The following RTCA variants were observed in gnomAD, a reference collection of about 807,000 sequenced individuals.
RTCA encodes the protein RNA 3'-terminal phosphate cyclase.
A neutral mutation model predicts 46.1 loss-of-function variants in RTCA; 37 were observed. The ratio of observed to expected loss-of-function variants is 0.80; its 90% CI spans 0.62 to 1.06. RTCA has a LOEUF of 1.06. Ranked by LOEUF, RTCA falls within the 50% of genes least tolerant of loss-of-function variation. RTCA has a pLI of 0.00. For missense variants in RTCA, 435 were observed against 455.5 expected (o/e 0.95, Z 0.41); for synonymous variants, 164 against 158.3 (o/e 1.04, Z -0.27).
rs1382715561 is a variant in RTCA at position 100,275,605 on chromosome 1, A to C, written c.622A>C (p.Lys208Gln). 6.2e-7 allele frequency: 1 copy of C among 1,603,468 alleles called. No homozygotes were observed. Among genetic ancestry groups the C allele is most frequent in the Non-Finnish European group, 8.5e-7 (1 of 1,175,908 alleles). ...TTCTGTCTTGCTAAAATAGGTAGCAAAAGATATGGCAGCGGCAGCAGTTAG... is the reference window on the plus strand; with the variant it reads ...TTCTGTCTTGCTAAAATAGGTAGCACAAGATATGGCAGCGGCAGCAGTTAG... ...VAGVLPFKVAKDMAAAAVRCI... is the reference protein window; with the variant it reads ...VAGVLPFKVAQDMAAAAVRCI... The change falls in exon 7 of 11, where the codon AAA becomes CAA. Residue 208 changes from lysine (K) to glutamine (Q), a missense_variant. By Grantham distance (53) the Lys-to-Gln change is moderately conservative. Transcript: ENST00000370128.
In RTCA at chr1:100,268,311, C is replaced by T; in HGVS notation, c.290+16C>T. 1 of 1,576,750 alleles carries T rather than the reference C, an allele frequency of 6.3e-7. No homozygotes were observed. Reference sequence around the variant, plus strand: ...AGACAGCAGGGTATGTATCACTTAACATTCCATTTAAGTAACCTGGGTTTA... The same window carrying T: ...AGACAGCAGGGTATGTATCACTTAATATTCCATTTAAGTAACCTGGGTTTA... On this transcript the variant is annotated intron_variant, in intron 3 of 10. Coordinates refer to ENST00000370128, the MANE Select transcript of RTCA (RefSeq NM_003729.4).
chr1:100,270,207 GGTTTTAT>G lies in RTCA; in HGVS notation c.291-349_291-343del, dbSNP rs1278740471. 5.9e-5 allele frequency among the ~76,000 whole-genome samples: 8 copies of G among 135,766 alleles called. No homozygotes were observed. The East Asian group carries it at 1.8e-3, about 31-fold the overall frequency. The allele number at this position is 135,766 out of a possible 152,430, so 89.1% of individuals were successfully genotyped here. ...ATTCTTTTGTAAAACTTTTGAAGAAGGTTTTATTTTTAATTTTTTTTCTTTTTTACTT... is the reference window on the plus strand; with the variant it reads ...ATTCTTTTGTAAAACTTTTGAAGAAGTTTTAATTTTTTTTCTTTTTTACTT... On this transcript the variant is annotated intron_variant, in intron 3 of 10. Coordinates refer to ENST00000370128, the MANE Select transcript of RTCA (RefSeq NM_003729.4).
At chr1:100,266,920 C>A in intron 2 of RTCA, 1 of 431,602 alleles carries the variant, frequency 2.3e-6, no homozygotes, top group Admixed American at 3.6e-5. Context: ...TCCAAATATC[C>A]GAACAGCACG....
chr1:100,266,710 T>A, intron 2 of RTCA, 86 bp downstream of exon 2: 1 of 1,160,632 alleles, frequency 8.6e-7, no homozygotes, highest in Non-Finnish European at 1.2e-6. Context: ...GGAGTCCGAG[T>A]GGTGGAACCC....
rs765853483 is a variant in RTCA at position 100,275,742 on chromosome 1, C to G, written c.740+19C>G. ...GAATAATGTGAGACAATACTTTTTC[C>G]TACACATTAGTTGAGAACCCTAAAA... is the stretch of plus-strand genomic sequence containing the variant. On this transcript the variant is annotated intron_variant, in intron 7 of 10. Coordinates refer to ENST00000370128, the MANE Select transcript of RTCA (RefSeq NM_003729.4). 3 of 1,596,152 alleles carry G rather than the reference C, an allele frequency of 1.9e-6. No individual in the cohort carries two copies. The South Asian group carries it at 3.5e-5, about 19-fold the overall frequency.
In RTCA at chr1:100,268,957, G is replaced by A. The variant is rs532844297; in HGVS notation, c.290+662G>A. Among the ~76,000 whole-genome samples, 21 of 151,902 alleles carry A rather than the reference G, an allele frequency of 1.4e-4. No individual in the cohort carries two copies. In the South Asian group the frequency reaches 4.1e-3, roughly 30 times the overall value. ...TAGTCCCAGCACTTTGGGAGGCCGA[G>A]GTGGGTGGATCGCTTGAGCTCACAA... On this transcript the variant is annotated intron_variant, in intron 3 of 10. Coordinates refer to ENST00000370128, the MANE Select transcript of RTCA (RefSeq NM_003729.4).
At position 100,292,164 on chromosome 1, in the gene RTCA, C is replaced by G. The variant is rs916019096; in HGVS notation, c.*660C>G. The G allele has an allele frequency of 4.6e-5, 7 of 152,306 alleles. No individual in the cohort carries two copies. The highest frequency in any genetic ancestry group is 8.8e-5 in the Non-Finnish European group (6 of 68,196). The allele number at this position is 152,306 out of a possible 1,614,324, so 9.4% of individuals were successfully genotyped here. ...CGAACTCCTGACCTCGTGATCTGCC[C>G]GCCTCGGCCTCCCAAAGTGGTGGGA... On this transcript the variant is annotated 3_prime_UTR_variant, in exon 11 of 11. Coordinates refer to ENST00000370128, the MANE Select transcript of RTCA (RefSeq NM_003729.4).
At chr1:100,288,268 G>A (rs191255782) in intron 10 of RTCA, among the ~76,000 whole-genome samples, 36 of 152,168 alleles carry the variant, frequency 2.4e-4, no homozygotes, top group Admixed American at 2.3e-3. Flanking sequence ...ATTTTTTGCA[G>A]TTAATGCATA....
intron 2 of RTCA, 169 bp from the exon 3 acceptor site, chr1:100,267,982 GT>G: frequency 1.3e-6 from 1 of 751,566 alleles, no homozygotes. Flanking sequence ...ATACTAGCAG[GT>G]AGTCTAGGTG....
chr1:100,276,684 C>A (rs922787370), intron 7 of RTCA, among the ~76,000 whole-genome samples: 6 of 151,984 alleles, frequency 3.9e-5, no homozygotes, highest in East Asian at 1.9e-4. Context: ...TCAAAAAAAA[C>A]CAGACTAGAA....
chr1:100,278,056 CATG>C (rs1159474080), intron 8 of RTCA, among the ~76,000 whole-genome samples: 1 of 152,170 alleles, frequency 6.6e-6, no homozygotes, highest in Non-Finnish European at 1.5e-5. Flanking sequence ...GCAGGGGGCA[CATG>C]ATGTTAGTTT....
At chr1:100,276,662 C>T (rs983833218) in intron 7 of RTCA, among the ~76,000 whole-genome samples, 1 of 152,084 alleles carries the variant, frequency 6.6e-6, no homozygotes, top group South Asian at 2.1e-4. Flanking sequence ...GGCGACAAAG[C>T]GAGACTCCAT....
At chr1:100,274,787 A>T in intron 5 of RTCA, 37 bp from the exon 6 acceptor site, 4 of 1,564,086 alleles carry the variant, frequency 2.6e-6, no homozygotes, top group Non-Finnish European at 3.5e-6. Context: ...TTTGTCATGC[A>T]ATCAGTTTAT....
At chr1:100,281,302 A>G (rs778192927) in intron 8 of RTCA, 2 of 533,958 alleles carry the variant, frequency 3.7e-6, no homozygotes. Context: ...GCTGTTTTAG[A>G]CTGAGGCAGT....
rs75551129 is a variant in RTCA at position 100,274,821 on chromosome 1, T to C, written c.474-3T>C. ...ATGTGGGCATTTGTTATACTTTTCA[T>C]AGGGGATATTACCCAAAAGGGGGTG... On this transcript the variant is annotated splice_polypyrimidine_tract_variant and splice_region_variant and intron_variant, in intron 5 of 10. Coordinates refer to ENST00000370128, the MANE Select transcript of RTCA (RefSeq NM_003729.4). 4.4e-6 allele frequency: 7 copies of C among 1,606,314 alleles called. No individual in the cohort carries two copies. Among genetic ancestry groups the C allele is most frequent in the East Asian group, 2.2e-5 (1 of 44,752 alleles).
rs775118536 is a variant in RTCA at position 100,266,381 on chromosome 1, G to A, written c.6G>A (p.Ala2=). The A allele has an allele frequency of 1.4e-5, 22 of 1,612,172 alleles. No individual in the cohort carries two copies. The highest frequency in any genetic ancestry group is 1.9e-5 in the Non-Finnish European group (22 of 1,179,442). The change falls in exon 1 of 11, where the codon GCG becomes GCA. Residue 2 remains alanine (A), a synonymous_variant. Coordinates refer to ENST00000370128, the MANE Select transcript of RTCA (RefSeq NM_003729.4). The part of the protein sequence containing the change: M[A]GPRVEVDGSI... ...TGGGCCCCAGGGTGTCCCCCATGGC[G>A]GGGCCGCGGGTGGAGGTCGATGGCA...
At position 100,275,086 on chromosome 1, in the gene RTCA, T is replaced by G. The variant is rs1666301655; in HGVS notation, c.615+121T>G. The G allele has an allele frequency of 9.5e-6, 10 of 1,049,162 alleles. No homozygotes were observed. The South Asian group carries it at 1.8e-4, about 19-fold the overall frequency. 65.0% of individuals were successfully genotyped at this position (1,049,162 alleles called of 1,614,324 possible). On this transcript the variant is annotated intron_variant, in intron 6 of 10. Transcript: ENST00000370128. Reference sequence around the variant, plus strand: ...TTTTTTAAGGAAAGAAATAATGTCCTTTGTGGCAATATGGCTGCAGCTGGA... The same window carrying G: ...TTTTTTAAGGAAAGAAATAATGTCCGTTGTGGCAATATGGCTGCAGCTGGA...
At chr1:100,268,558 G>A (rs1028648389) in intron 3 of RTCA, among the ~76,000 whole-genome samples, 4 of 152,028 alleles carry the variant, frequency 2.6e-5, no homozygotes, top group African/African-American at 9.7e-5. Flanking sequence ...ACCATGCCCC[G>A]CTAATTTTTG....
intron 10 of RTCA, among the ~76,000 whole-genome samples, chr1:100,289,315 T>G (rs981408972): frequency 2.0e-5 from 3 of 151,856 alleles, no homozygotes; most frequent in African/African-American, 7.3e-5. Flanking sequence ...TGTTTTTGTT[T>G]TTGTTTTTTG....
Sources: allele counts gnomAD v4.1 joint callset (sites outside exome capture counted in the v4.1 genomes callset), GRCh38; gene constraint gnomAD v4.1.1; transcripts MANE v1.5; gene names NCBI Gene and HGNC (gene_info 2026-07-23, HGNC 2026-07-21).